ELMOD3: variants seen among roughly 807,000 people sequenced by gnomAD.
The protein encoded by ELMOD3 is ELMO domain-containing protein 3.
ELMOD3 carries 36 observed loss-of-function variants against 47.4 expected under a neutral mutation model. The ratio of observed to expected loss-of-function variants is 0.76; its 90% CI spans 0.58 to 1.00. ELMOD3 has a LOEUF of 1.00. ELMOD3 is among the 50% of genes least tolerant of loss of function. The probability of loss-of-function intolerance (pLI) is 0.00; values close to 1 mark genes in which losing one functional copy is unlikely to be tolerated. For missense variants in ELMOD3, 404 were observed against 463.8 expected (o/e 0.87, Z 1.18); for synonymous variants, 149 against 183.5 (o/e 0.81, Z 1.52).
At position 85,390,162 on chromosome 2, in the gene ELMOD3, C is replaced by T. The variant is rs1322885274; in HGVS notation, c.840C>T (p.Val280=). 3 of 1,614,180 alleles carry T rather than the reference C, an allele frequency of 1.9e-6. No homozygotes were observed. The highest frequency in any genetic ancestry group is 1.3e-5 in the African/African-American group (1 of 75,044). Residue 280 remains valine, a synonymous_variant, in exon 13 of 14, where the codon GTC becomes GTT. Coordinates refer to ENST00000409013, the MANE Select transcript of ELMOD3 (RefSeq NM_001135022.2). The part of the protein sequence containing the change: ...LSRECNRQQK[V]IPVVNSFYAA... ...GAGAGTGTAATCGGCAGCAGAAGGT[C>T]ATCCCCGTGGTGAACAGCTTCTATG...
At chr2:85,364,825 A>ATATTTTTTTTTTTTTT (rs375582916) in intron 6 of ELMOD3, among the ~76,000 whole-genome samples, 1 of 69,892 alleles carries the variant, frequency 1.4e-5, no homozygotes, top group African/African-American at 6.7e-5. Flanking sequence ...ATATATATAT[A>ATATTTTTTTTTTTTTT]TTTTTTTTTT....
intron 11 of ELMOD3, among the ~76,000 whole-genome samples, chr2:85,386,653 G>A (rs1171364723): frequency 6.6e-6 from 1 of 152,080 alleles, no homozygotes; most frequent in Non-Finnish European, 1.5e-5. Flanking sequence ...CAAAAATGCT[G>A]GGATTACAGG....
chr2:85,371,674 A>G lies in ELMOD3; in HGVS notation c.607+112A>G, dbSNP rs1684798324. 4 of 1,484,620 alleles carry G rather than the reference A, an allele frequency of 2.7e-6. No individual in the cohort carries two copies. The South Asian group carries it at 3.9e-5, about 14-fold the overall frequency. The allele number at this position is 1,484,620 out of a possible 1,614,324, so 92.0% of individuals were successfully genotyped here. On this transcript the variant is annotated intron_variant, in intron 10 of 13. Coordinates refer to ENST00000409013, the MANE Select transcript of ELMOD3 (RefSeq NM_001135022.2). ...ATGAGGGGGAAGATCTTGGGGGAGT[A>G]TTCCGGGAAGAGGGTGCAGCAAATG... is the stretch of plus-strand genomic sequence containing the variant.
At chr2:85,385,172 A>G (rs1014291239) in intron 11 of ELMOD3, among the ~76,000 whole-genome samples, 6 of 152,224 alleles carry the variant, frequency 3.9e-5, no homozygotes, top group Admixed American at 3.3e-4. Context: ...GGGATTAGCT[A>G]GAACTAAGGT....
At chr2:85,361,166 G>A (rs1390489669) in intron 4 of ELMOD3, among the ~76,000 whole-genome samples, 1 of 151,886 alleles carries the variant, frequency 6.6e-6, no homozygotes, top group Admixed American at 6.6e-5. Flanking sequence ...CTCTGTATCT[G>A]TGAAATGAGT....
Position 85,371,194 on chromosome 2 carries a change from C to G in ELMOD3, c.469C>G (p.Leu157Val). The G allele has an allele frequency of 6.2e-7, 1 of 1,614,240 alleles. No individual in the cohort carries two copies. Among genetic ancestry groups the G allele is most frequent in the Non-Finnish European group, 8.5e-7 (1 of 1,180,044 alleles). The change falls in exon 9 of 14, where the codon CTG becomes GTG. Residue 157 changes from leucine (L) to valine (V), a missense_variant. Transcript: ENST00000409013. ...QRLREERDLV[L>V]TIAQCGLDSQ... ...CCTTCGGGAAGAAAGGGACTTGGTCCTGACCATTGCTCAGTGTGAGTGCAA... is the reference window on the plus strand; with the variant it reads ...CCTTCGGGAAGAAAGGGACTTGGTCGTGACCATTGCTCAGTGTGAGTGCAA...
intron 10 of ELMOD3, chr2:85,371,790 T>C: frequency 2.2e-6 from 1 of 459,700 alleles, no homozygotes; most frequent in East Asian, 4.7e-5. Context: ...TCCCAGCACT[T>C]TGGGAGGCTG....
chr2:85,379,090 G>A (rs1218389025), intron 11 of ELMOD3, among the ~76,000 whole-genome samples: 1 of 152,138 alleles, frequency 6.6e-6, no homozygotes. Flanking sequence ...TTCTGAAGTT[G>A]TCTGGCTTCA....
intron 6 of ELMOD3, among the ~76,000 whole-genome samples, chr2:85,368,038 G>C (rs1684521846): frequency 6.6e-6 from 1 of 152,052 alleles, no homozygotes. Flanking sequence ...AACCTCCAGA[G>C]TAGCTGGGAC....
chr2:85,386,863 C>CA, intron 11 of ELMOD3, among the ~76,000 whole-genome samples: 1 of 152,070 alleles, frequency 6.6e-6, no homozygotes, highest in Non-Finnish European at 1.5e-5. Flanking sequence ...ATTAGCCAGG[C>CA]ATGGTGGTGC....
In ELMOD3 at chr2:85,376,685, ATT is replaced by A. The variant is rs1685186896; in HGVS notation, c.608-655_608-654del. 6.6e-6 allele frequency among the ~76,000 whole-genome samples: 1 copy of A among 151,296 alleles called. No homozygotes were observed. The highest frequency in any genetic ancestry group is 2.4e-5 in the African/African-American group (1 of 41,112). On this transcript the variant is annotated intron_variant, in intron 10 of 13. Coordinates refer to ENST00000409013, the MANE Select transcript of ELMOD3 (RefSeq NM_001135022.2). This position sits in a 1 kb window ranked among gnomAD's most constrained non-coding sequence, Gnocchi z 4.2. ...TGGAGAAGAGTGGGGATGGGGCCAC[ATT>A]TTTCTCTGTGGTGTTTTGCTGCAGT...
chr2:85,390,369 T>C (rs752684464), intron 13 of ELMOD3, 104 bp downstream of exon 13: 2 of 1,614,090 alleles, frequency 1.2e-6, no homozygotes, highest in Non-Finnish European at 1.7e-6. Context: ...TTCTTCCCCA[T>C]CCACACTTTC....
At chr2:85,357,319 A>C (rs2104466356) in intron 4 of ELMOD3, 67 bp downstream of exon 4, 3 of 1,039,978 alleles carry the variant, frequency 2.9e-6, no homozygotes, top group South Asian at 1.5e-5. Flanking sequence ...TATAGTAAGA[A>C]TATATTAAGA....
chr2:85,370,973 G>A, intron 8 of ELMOD3, 113 bp from the exon 9 acceptor site: 1 of 1,287,964 alleles, frequency 7.8e-7, no homozygotes. Context: ...AGGCCAGCCA[G>A]ATAGCTGGGG....
chr2:85,385,136 T>C (rs1291704460), intron 11 of ELMOD3, among the ~76,000 whole-genome samples: 2 of 152,248 alleles, frequency 1.3e-5, no homozygotes, highest in East Asian at 3.9e-4. Flanking sequence ...CAAGCTGATA[T>C]CTGGGAGAAG....
In ELMOD3 at chr2:85,371,486, C is replaced by G; in HGVS notation, c.531C>G (p.Thr177=). 14 of 1,614,172 alleles carry G rather than the reference C, an allele frequency of 8.7e-6. No homozygotes were observed. Among genetic ancestry groups the G allele is most frequent in the Non-Finnish European group, 1.2e-5 (14 of 1,180,030 alleles). The change falls in exon 10 of 14, where the codon ACC becomes ACG. Residue 177 remains threonine (T), a synonymous_variant. Transcript: ENST00000409013. Reference sequence around the variant, plus strand: ...CAGTGCATGGCCGAGTCCTCCAGACCATCTATAAGAAGCTGACCGGCTCCA... The same window carrying G: ...CAGTGCATGGCCGAGTCCTCCAGACGATCTATAAGAAGCTGACCGGCTCCA... ...QDPVHGRVLQ[T]IYKKLTGSKF... is the part of the protein sequence containing the mutation.
chr2:85,386,785 C>T (rs528728292), intron 11 of ELMOD3, among the ~76,000 whole-genome samples: 22 of 152,254 alleles, frequency 1.4e-4, no homozygotes, highest in Admixed American at 8.5e-4. Flanking sequence ...CACCTGAGGT[C>T]GGGAGGTCGA....
At chr2:85,364,997 A>G (rs2104534726) in intron 6 of ELMOD3, among the ~76,000 whole-genome samples, 3 of 150,378 alleles carry the variant, frequency 2.0e-5, no homozygotes, top group Admixed American at 2.0e-4. Context: ...TTTGAGATGG[A>G]GACGGTCTCA....
chr2:85,368,500 C>G, intron 6 of ELMOD3, 186 bp from the exon 7 acceptor site: 1 of 589,870 alleles, frequency 1.7e-6, no homozygotes, highest in South Asian at 2.0e-5. Flanking sequence ...GTTCAAAAAT[C>G]CTGTGCTGAT....
Sources: allele counts gnomAD v4.1 joint callset (sites outside exome capture counted in the v4.1 genomes callset), GRCh38; gene constraint gnomAD v4.1.1; non-coding constraint Gnocchi (gnomAD v3.1); transcripts MANE v1.5; gene names NCBI Gene and HGNC (gene_info 2026-07-23, HGNC 2026-07-21).